Variants in NRG1 observed in about 807,000 individuals in gnomAD.
The protein encoded by NRG1 is neuregulin 1, also known as pro-neuregulin-1, membrane-bound isoform.
Under a neutral mutation model 63.8 loss-of-function variants are expected in NRG1, and 18 were observed. That is an observed-to-expected ratio of 0.28 (90% CI 0.19 to 0.42). The LOEUF is 0.42. Among genes scored for constraint, NRG1 ranks in the 10% least tolerant of loss-of-function variants. The pLI is 1.00. For synonymous variants in NRG1, 302 were observed against 301.3 expected, an observed-to-expected ratio of 1.00 and a Z score of -0.02; for missense variants, 762 against 814.7, an observed-to-expected ratio of 0.94 and a Z score of 0.79.
chr8:32,381,056 C>A (rs1247923910), intron 1 of NRG1, among the ~76,000 whole-genome samples: 1 of 152,196 alleles, frequency 6.6e-6, no homozygotes, highest in Non-Finnish European at 1.5e-5. Flanking sequence ...AACTTCTCTT[C>A]ATGGTCACTT....
intron 1 of NRG1, among the ~76,000 whole-genome samples, chr8:32,330,041 TAAAAAAAAAAAAAAAAAA>T (rs532006401): frequency 0.029 from 1,238 of 43,020 alleles, 46 homozygotes; most frequent in African/African-American, 0.1. Flanking sequence ...CCTAGCTAAT[TAAAAAAAAAAAAAAAAAA>T]AAAAAAAAAA....
chr8:32,061,270 C>A (rs1483600188), intron 1 of NRG1, among the ~76,000 whole-genome samples: 2 of 151,798 alleles, frequency 1.3e-5, no homozygotes, highest in Non-Finnish European at 2.9e-5. Flanking sequence ...ATTTAAAGTA[C>A]CTCCTTTAAA....
At chr8:32,448,816 G>A (rs1220582117) in intron 1 of NRG1, among the ~76,000 whole-genome samples, 1 of 152,090 alleles carries the variant, frequency 6.6e-6, no homozygotes, top group Non-Finnish European at 1.5e-5. Flanking sequence ...TTTCTTCAAA[G>A]TGCTCATTGT....
At chr8:31,922,738 G>T (rs1834018569) in intron 1 of NRG1, among the ~76,000 whole-genome samples, 1 of 152,088 alleles carries the variant, frequency 6.6e-6, no homozygotes, top group African/African-American at 2.4e-5. Context: ...AGAAGATTTT[G>T]GACAATTCAC....
chr8:31,954,830 G>A (rs1166337199), intron 1 of NRG1, among the ~76,000 whole-genome samples: 1 of 152,074 alleles, frequency 6.6e-6, no homozygotes, highest in Non-Finnish European at 1.5e-5. Flanking sequence ...TCACAACTTT[G>A]AATTAAGGTC....
At chr8:31,815,700 T>C (rs995424149) in intron 1 of NRG1, among the ~76,000 whole-genome samples, 2 of 152,216 alleles carry the variant, frequency 1.3e-5, no homozygotes, top group African/African-American at 4.8e-5. Flanking sequence ...CCATTTTGCA[T>C]TCCCACCAAC....
In NRG1 at chr8:32,741,992, C is replaced by T; in HGVS notation, c.633-683C>T. The T allele has an allele frequency of 6.2e-7, 1 of 1,608,734 alleles. No individual in the cohort carries two copies. The highest frequency in any genetic ancestry group is 1.1e-5 in the South Asian group (1 of 90,832). ...TTTAGCATTTTTTTTTTGCTTACCA[C>T]ATTTTTGCCCTCTAGGTGCCAACCT... On this transcript the variant is annotated intron_variant, in intron 6 of 11. Coordinates refer to ENST00000356819, the Ensembl canonical transcript of NRG1.
intron 1 of NRG1, among the ~76,000 whole-genome samples, chr8:32,226,640 A>T (rs1846357665): frequency 6.6e-6 from 1 of 152,176 alleles, no homozygotes; most frequent in Non-Finnish European, 1.5e-5. Context: ...TGGTGATTAA[A>T]AAGTGCTTTC....
chr8:31,780,347 C>A (rs1181781703), intron 1 of NRG1, among the ~76,000 whole-genome samples: 1 of 152,138 alleles, frequency 6.6e-6, no homozygotes, highest in Non-Finnish European at 1.5e-5. Flanking sequence ...GGCTGATCAT[C>A]TTTATAATAG....
intron 1 of NRG1, among the ~76,000 whole-genome samples, chr8:31,955,835 G>A (rs1406273250): frequency 1.3e-5 from 2 of 151,502 alleles, no homozygotes; most frequent in African/African-American, 4.9e-5. Flanking sequence ...CCAGGAGTTC[G>A]AGACCATCCT....
chr8:31,858,929 C>T (rs1005294614), intron 1 of NRG1, among the ~76,000 whole-genome samples: 1 of 152,184 alleles, frequency 6.6e-6, no homozygotes, highest in Non-Finnish European at 1.5e-5. Flanking sequence ...TAACTTACTG[C>T]AGGGAAAATG....
chr8:32,645,034 G>A (rs896221314), intron 5 of NRG1, among the ~76,000 whole-genome samples: 10 of 152,090 alleles, frequency 6.6e-5, no homozygotes, highest in African/African-American at 2.4e-4. Flanking sequence ...TTTGGTTTAG[G>A]TCAAAATTGG....
chr8:32,681,627 C>T (rs1279449858), intron 5 of NRG1, among the ~76,000 whole-genome samples: 1 of 152,116 alleles, frequency 6.6e-6, no homozygotes, highest in Non-Finnish European at 1.5e-5. Flanking sequence ...CAAAACCAAA[C>T]AACAAAACAG....
At chr8:31,976,723 C>T (rs1192247215) in intron 1 of NRG1, among the ~76,000 whole-genome samples, 1 of 151,246 alleles carries the variant, frequency 6.6e-6, no homozygotes, top group African/African-American at 2.4e-5. Flanking sequence ...TTTTCACTGT[C>T]AATTATTCTA....
chr8:31,908,315 G>C (rs185604753), intron 1 of NRG1, among the ~76,000 whole-genome samples: 1 of 152,138 alleles, frequency 6.6e-6, no homozygotes, highest in South Asian at 2.1e-4. Context: ...AGAAGTGTTG[G>C]TTTTTCTTTA....
At chr8:32,150,541 C>G (rs1837391503) in intron 1 of NRG1, among the ~76,000 whole-genome samples, 1 of 152,210 alleles carries the variant, frequency 6.6e-6, no homozygotes, top group African/African-American at 2.4e-5. Context: ...GCAAGAGGCA[C>G]TCTTTATGAA....
chr8:31,928,278 C>T (rs981192848), intron 1 of NRG1, among the ~76,000 whole-genome samples: 4 of 139,102 alleles, frequency 2.9e-5, no homozygotes, highest in Non-Finnish European at 6.0e-5. Flanking sequence ...ATCACAATGA[C>T]ATACCACCTT....
intron 1 of NRG1, among the ~76,000 whole-genome samples, chr8:32,395,608 C>CTT (rs541452250): frequency 0.13 from 18,652 of 146,682 alleles, 1,288 homozygotes; most frequent in Non-Finnish European, 0.15. Flanking sequence ...TGAGTTATAA[C>CTT]TTTTTTTTTT....
intron 3 of NRG1, among the ~76,000 whole-genome samples, chr8:32,609,899 G>A (rs1588672614): frequency 6.6e-6 from 1 of 151,040 alleles, no homozygotes; most frequent in Non-Finnish European, 1.5e-5. Flanking sequence ...TCTAACTCCT[G>A]ACCTCAAATG....
Sources: gnomAD v4.1 joint callset for allele counts (sites outside exome capture counted in the v4.1 genomes callset) on GRCh38, gnomAD v4.1.1 for gene constraint, MANE v1.5 for transcripts, NCBI Gene and HGNC (gene_info 2026-07-23, HGNC 2026-07-21) for gene names.